The following VPS35L variants were observed in gnomAD, a reference collection of about 807,000 sequenced individuals.
VPS35L encodes VPS35 endosomal protein-sorting factor-like.
A neutral mutation model predicts 133.0 loss-of-function variants in VPS35L; 83 were observed. The ratio of observed to expected loss-of-function variants is 0.62; its 90% confidence interval spans 0.52 to 0.75. The LOEUF (loss-of-function observed/expected upper bound fraction) is 0.75, where lower values mean the gene tolerates loss of function less well. Among genes scored for constraint, VPS35L ranks in the 30% least tolerant of loss-of-function variants. VPS35L has a pLI of 0.00. For synonymous variants in VPS35L, 423 were observed against 449.9 expected, an observed-to-expected ratio of 0.94 and a Z score of 0.76; for missense variants, 1,083 against 1,206.8, an observed-to-expected ratio of 0.90 and a Z score of 1.52.
rs145339166 is a variant in VPS35L at position 19,582,900 on chromosome 16, G to A, written c.639+1247G>A. ...GACATAGTCAAGGCTGGGCACAGTG[G>A]CTCACATCTGTAATCCCAGCATGTT... On this transcript the variant is annotated intron_variant, in intron 7 of 30. Coordinates refer to ENST00000417362, the MANE Select transcript of VPS35L (RefSeq NM_020314.7). 5.8e-3 allele frequency among the ~76,000 whole-genome samples: 882 copies of A among 152,240 alleles called. 16 individuals carry two copies. The highest frequency in any genetic ancestry group is 0.02 in the African/African-American group (840 of 41,534).
At chr16:19,599,003 C>G (rs975969088) in intron 8 of VPS35L, among the ~76,000 whole-genome samples, 22 of 151,722 alleles carry the variant, frequency 1.5e-4, no homozygotes, top group African/African-American at 5.1e-4. Flanking sequence ...TGCCAGGGTT[C>G]TGGGGTCATC....
intron 26 of VPS35L, among the ~76,000 whole-genome samples, chr16:19,657,907 C>G (rs1470530042): frequency 6.6e-6 from 1 of 152,160 alleles, no homozygotes; most frequent in Non-Finnish European, 1.5e-5. Flanking sequence ...AACCCTGAGG[C>G]CTCTTTGGTG....
At position 19,639,510 on chromosome 16, in the gene VPS35L, G is replaced by C. The variant is rs1247673722; in HGVS notation, c.1699-505G>C. Among the ~76,000 whole-genome samples, 1 of 152,118 alleles carries C rather than the reference G, an allele frequency of 6.6e-6. No individual in the cohort carries two copies. The highest frequency in any genetic ancestry group is 1.5e-5 in the Non-Finnish European group (1 of 67,980). ...GGAATGCATATAAGTTGTTTTAATA[G>C]TAACAGCTTTTTATTTTGTTTGTTT... On this transcript the variant is annotated intron_variant, in intron 20 of 30. Coordinates refer to ENST00000417362, the MANE Select transcript of VPS35L (RefSeq NM_020314.7). The surrounding 1 kb of genome is among the most constrained non-coding windows in gnomAD (Gnocchi z 4.1).
At chr16:19,696,135 C>T (rs1302042397) in intron 29 of VPS35L, among the ~76,000 whole-genome samples, 1 of 152,202 alleles carries the variant, frequency 6.6e-6, no homozygotes, top group Non-Finnish European at 1.5e-5. Flanking sequence ...GCGCCCGCCT[C>T]AGCTTCCCAA....
Position 19,651,983 on chromosome 16 carries a change from T to A in VPS35L, c.2114T>A (p.Val705Asp). Residue 705 changes from valine (V) to aspartate (D), a missense_variant, in exon 26 of 31, where the codon GTT becomes GAT. Physicochemically the swap from Val to Asp is radical, Grantham distance 152 (BLOSUM62 -3). Transcript: ENST00000417362. ...RKTAAFVRAC[V>D]AYCFITIPSL... The stretch of plus-strand genomic sequence containing the variant: ...TTTCTTCCCTTCTCCTAGGCCTGTG[T>A]TGCCTACTGCTTCATCACCATCCCC... 1.2e-6 allele frequency: 2 copies of A among 1,604,188 alleles called. No homozygotes were observed. Among genetic ancestry groups the A allele is most frequent in the Non-Finnish European group, 1.7e-6 (2 of 1,171,302 alleles).
At chr16:19,594,658 AAAAAAAAAAAAAAG>A (rs1371529545) in intron 8 of VPS35L, among the ~76,000 whole-genome samples, 2 of 150,118 alleles carry the variant, frequency 1.3e-5, no homozygotes, top group East Asian at 3.9e-4. Flanking sequence ...AAAAAAAAAA[AAAAAAAAAAAAAAG>A]AAGAGAAAAA....
intron 1 of VPS35L, among the ~76,000 whole-genome samples, chr16:19,556,804 C>A (rs560006561): frequency 6.9e-5 from 10 of 144,600 alleles, no homozygotes; most frequent in African/African-American, 2.2e-4. Context: ...ACTTCCACAC[C>A]CTGAGGTTTT....
At chr16:19,624,789 C>T (rs1167558324) in intron 14 of VPS35L, among the ~76,000 whole-genome samples, 1 of 152,102 alleles carries the variant, frequency 6.6e-6, no homozygotes, top group South Asian at 2.1e-4. Flanking sequence ...GTGTCTTAAC[C>T]CTGTCTGAGC....
chr16:19,562,965 A>T (rs1285297007), intron 1 of VPS35L, among the ~76,000 whole-genome samples: 1 of 151,954 alleles, frequency 6.6e-6, no homozygotes, highest in Non-Finnish European at 1.5e-5. Flanking sequence ...GGGTTTCGCC[A>T]TGTTGCTCAG....
chr16:19,580,177 G>A (rs755012688), intron 6 of VPS35L, among the ~76,000 whole-genome samples: 4 of 151,866 alleles, frequency 2.6e-5, no homozygotes, highest in South Asian at 2.1e-4. Flanking sequence ...GCAGTGGTGC[G>A]ATCTCAGCTC....
chr16:19,659,324 C>T (rs974191602), intron 26 of VPS35L, among the ~76,000 whole-genome samples: 3 of 152,074 alleles, frequency 2.0e-5, no homozygotes, highest in Non-Finnish European at 4.4e-5. Context: ...AGTGAGAGAG[C>T]CCTTGACAGT....
At chr16:19,583,507 C>T (rs767338302) in intron 7 of VPS35L, among the ~76,000 whole-genome samples, 3 of 152,092 alleles carry the variant, frequency 2.0e-5, no homozygotes, top group Non-Finnish European at 2.9e-5. Context: ...TCACCTCACA[C>T]GTCTCTGATT....
intron 1 of VPS35L, among the ~76,000 whole-genome samples, chr16:19,557,391 T>TTTG (rs140661719): frequency 1.3e-5 from 2 of 152,134 alleles, no homozygotes; most frequent in African/African-American, 4.8e-5. Flanking sequence ...CTCTAAATAT[T>TTTG]TTGTTGTTGT....
At chr16:19,660,383 G>A (rs1197626773) in intron 26 of VPS35L, among the ~76,000 whole-genome samples, 1 of 152,014 alleles carries the variant, frequency 6.6e-6, no homozygotes, top group African/African-American at 2.4e-5. Context: ...GATCTTCCTG[G>A]GCTAGGACAG....
intron 28 of VPS35L, among the ~76,000 whole-genome samples, chr16:19,683,693 A>G (rs533075680): frequency 1.2e-4 from 18 of 152,214 alleles, no homozygotes; most frequent in African/African-American, 3.9e-4. Flanking sequence ...TCTTTATCCA[A>G]TCCACTGTTG....
At chr16:19,654,918 G>C (rs1185925441) in intron 26 of VPS35L, among the ~76,000 whole-genome samples, 1 of 152,144 alleles carries the variant, frequency 6.6e-6, no homozygotes, top group Non-Finnish European at 1.5e-5. Flanking sequence ...TTTATAATTA[G>C]ATCCCATGTA....
At chr16:19,582,842 C>G (rs1200705551) in intron 7 of VPS35L, among the ~76,000 whole-genome samples, 1 of 152,102 alleles carries the variant, frequency 6.6e-6, no homozygotes, top group African/African-American at 2.4e-5. Context: ...AACGATTCAA[C>G]AATACATTAA....
At chr16:19,664,501 G>A (rs1597409204) in intron 26 of VPS35L, among the ~76,000 whole-genome samples, 1 of 152,034 alleles carries the variant, frequency 6.6e-6, no homozygotes, top group East Asian at 1.9e-4. Flanking sequence ...AGACCTGAGT[G>A]GGGTTTTTCT....
chr16:19,650,857 C>G (rs1227089510), intron 25 of VPS35L, among the ~76,000 whole-genome samples: 1 of 151,702 alleles, frequency 6.6e-6, no homozygotes, highest in Non-Finnish European at 1.5e-5. Context: ...CTTTTTTCCT[C>G]TAGATAATAA....
Sources: allele counts gnomAD v4.1 joint callset (sites outside exome capture counted in the v4.1 genomes callset), GRCh38; gene constraint gnomAD v4.1.1; non-coding constraint Gnocchi (gnomAD v3.1); transcripts MANE v1.5; gene names NCBI Gene and HGNC (gene_info 2026-07-23, HGNC 2026-07-21).